Variants in WWP1 observed in about 807,000 individuals in gnomAD.
WWP1 encodes NEDD4-like E3 ubiquitin-protein ligase WWP1.
In WWP1, 49 loss-of-function variants were observed where a neutral mutation model predicts 130.6. The observed-to-expected ratio is 0.38, with a 90% CI of 0.30 to 0.48. WWP1 has a LOEUF of 0.48. WWP1 is among the 20% of genes least tolerant of loss of function. The pLI, the probability that WWP1 is intolerant of heterozygous loss-of-function variation, is 0.99. For synonymous variants in WWP1, 332 were observed against 367.8 expected, an observed-to-expected ratio of 0.90 and a Z score of 1.11; for missense variants, 809 against 1,100.6, an observed-to-expected ratio of 0.74 and a Z score of 3.75.
At chr8:86,388,100 G>A (rs1825392078) in intron 5 of WWP1, among the ~76,000 whole-genome samples, 2 of 150,460 alleles carry the variant, frequency 1.3e-5, no homozygotes, top group South Asian at 4.2e-4. Flanking sequence ...CTACTGTATT[G>A]GTCAGTGCAG....
intron 3 of WWP1, among the ~76,000 whole-genome samples, chr8:86,379,918 G>A (rs983028252): frequency 2.0e-5 from 3 of 152,130 alleles, no homozygotes; most frequent in Non-Finnish European, 4.4e-5. Context: ...ATTGTTGATA[G>A]GAATATAAAA....
intron 1 of WWP1, among the ~76,000 whole-genome samples, chr8:86,350,933 T>C (rs1284612951): frequency 6.6e-6 from 1 of 152,218 alleles, no homozygotes; most frequent in Non-Finnish European, 1.5e-5. Context: ...TAAAGTAGGA[T>C]ATTCTTTACC....
intron 9 of WWP1, 146 bp from the exon 10 acceptor site, chr8:86,425,077 T>A (rs1317100326): frequency 3.9e-6 from 2 of 518,272 alleles, no homozygotes; most frequent in Non-Finnish European, 6.7e-6. Context: ...TATATATATA[T>A]AATAGCCTTT....
chr8:86,450,025 T>C (rs1367769751), intron 20 of WWP1, among the ~76,000 whole-genome samples: 1 of 152,350 alleles, frequency 6.6e-6, no homozygotes, highest in East Asian at 1.9e-4. Flanking sequence ...GCTACTTGTT[T>C]TGTGGGCTAG....
intron 3 of WWP1, among the ~76,000 whole-genome samples, chr8:86,375,074 A>G (rs959541294): frequency 2.6e-5 from 4 of 152,148 alleles, no homozygotes; most frequent in African/African-American, 9.7e-5. Context: ...CTACTACACC[A>G]GTTCAAAATA....
chr8:86,370,578 C>T (rs1183736378), intron 2 of WWP1, among the ~76,000 whole-genome samples: 1 of 152,162 alleles, frequency 6.6e-6, no homozygotes, highest in Non-Finnish European at 1.5e-5. Context: ...CAGTACCCCA[C>T]ATTTCTGGAT....
At chr8:86,425,807 A>T (rs997915282) in intron 10 of WWP1, among the ~76,000 whole-genome samples, 5 of 152,220 alleles carry the variant, frequency 3.3e-5, no homozygotes, top group African/African-American at 1.2e-4. Context: ...TTTATTACAT[A>T]CTAAAATTCA....
At chr8:86,460,144 C>G (rs763885728) in intron 22 of WWP1, among the ~76,000 whole-genome samples, 26 of 152,152 alleles carry the variant, frequency 1.7e-4, no homozygotes, top group Non-Finnish European at 3.5e-4. Flanking sequence ...AATAACCAGT[C>G]AATGAAATAG....
At chr8:86,361,991 T>TATATACAC (rs1563465126) in intron 1 of WWP1, among the ~76,000 whole-genome samples, 2 of 128,184 alleles carry the variant, frequency 1.6e-5, no homozygotes, top group African/African-American at 2.7e-5. Context: ...TATATATATA[T>TATATACAC]ACATATATAT....
At chr8:86,392,612 A>T (rs1290421919) in intron 5 of WWP1, among the ~76,000 whole-genome samples, 1 of 152,210 alleles carries the variant, frequency 6.6e-6, no homozygotes, top group East Asian at 1.9e-4. Context: ...TACAGCAGAG[A>T]AATGTATCAT....
intron 20 of WWP1, among the ~76,000 whole-genome samples, chr8:86,451,061 A>G (rs1424192319): frequency 6.6e-6 from 1 of 151,316 alleles, no homozygotes; most frequent in East Asian, 1.9e-4. Flanking sequence ...AAATAAATAA[A>G]TAAATAAATA....
In WWP1 at chr8:86,417,503, A is replaced by T. The variant is rs1586403539; in HGVS notation, c.1061+5629A>T. Among the ~76,000 whole-genome samples the T allele has an allele frequency of 2.6e-5, 4 of 152,342 alleles. No individual in the cohort carries two copies. In the South Asian group the frequency reaches 8.3e-4, roughly 32 times the overall value. On this transcript the variant is annotated intron_variant, in intron 9 of 24. Transcript: ENST00000517970. Reference sequence around the variant, plus strand: ...CAAGAAATTTAGTTTGAGAAAGACAAATTCTATTTAGAACAAACACACTGA... The same window carrying T: ...CAAGAAATTTAGTTTGAGAAAGACATATTCTATTTAGAACAAACACACTGA...
In WWP1 at chr8:86,442,787, C is replaced by G. The variant is rs1200632331; in HGVS notation, c.1998+9C>G. 5 of 1,586,186 alleles carry G rather than the reference C, an allele frequency of 3.2e-6. No individual in the cohort carries two copies. Among genetic ancestry groups the G allele is most frequent in the Non-Finnish European group, 4.3e-6 (5 of 1,171,672 alleles). On this transcript the variant is annotated intron_variant, in intron 18 of 24. Coordinates refer to ENST00000517970, the MANE Select transcript of WWP1 (RefSeq NM_007013.4). ...GTCGTTTTATTGCCATGGTGAGTTCCTGACTTTATTATTATTTATTTAAGT... is the reference window on the plus strand; with the variant it reads ...GTCGTTTTATTGCCATGGTGAGTTCGTGACTTTATTATTATTTATTTAAGT...
chr8:86,385,419 C>T (rs1461465495), intron 5 of WWP1, among the ~76,000 whole-genome samples: 1 of 151,860 alleles, frequency 6.6e-6, no homozygotes, highest in East Asian at 1.9e-4. Flanking sequence ...CAGCGAAAGA[C>T]AATCTAGCTC....
Position 86,461,288 on chromosome 8 carries a change from G to A in WWP1, c.2564G>A (p.Arg855His), listed in dbSNP as rs761529616. ...TTGCAGTTCGTCACTGGAACCTGCC[G>A]TTTACCTCTAGGAGGATTTGCTGAG... ...RLLQFVTGTC[R>H]LPLGGFAELM... Residue 855 changes from arginine (R) to histidine (H), a missense_variant, in exon 23 of 25, where the codon CGT becomes CAT. Transcript: ENST00000517970. The A allele has an allele frequency of 3.7e-6, 6 of 1,614,062 alleles. No individual in the cohort carries two copies. Among genetic ancestry groups the A allele is most frequent in the Non-Finnish European group, 5.1e-6 (6 of 1,179,956 alleles).
chr8:86,361,978 AT>A (rs1443371506), intron 1 of WWP1, among the ~76,000 whole-genome samples: 2 of 105,212 alleles, frequency 1.9e-5, no homozygotes, highest in Admixed American at 9.0e-5. Context: ...GTGTGTGTAT[AT>A]ATATATATAT....
intron 20 of WWP1, among the ~76,000 whole-genome samples, chr8:86,448,978 AT>A (rs908060114): frequency 5.3e-4 from 80 of 152,070 alleles, no homozygotes; most frequent in African/African-American, 1.9e-3. Flanking sequence ...CTACAGGCTT[AT>A]ACTACCATTC....
chr8:86,392,720 A>T (rs1807424592), intron 5 of WWP1, among the ~76,000 whole-genome samples: 1 of 152,136 alleles, frequency 6.6e-6, no homozygotes, highest in East Asian at 1.9e-4. Flanking sequence ...TTATTTGTTT[A>T]GTTTACTAAG....
chr8:86,374,820 G>A (rs770245296), intron 3 of WWP1, among the ~76,000 whole-genome samples: 3 of 151,684 alleles, frequency 2.0e-5, no homozygotes, highest in African/African-American at 2.4e-5. Context: ...AGTGATCCTC[G>A]TGCTTCAGCC....
Sources: gnomAD v4.1 joint callset for allele counts (sites outside exome capture counted in the v4.1 genomes callset) on GRCh38, gnomAD v4.1.1 for gene constraint, MANE v1.5 for transcripts, NCBI Gene and HGNC (gene_info 2026-07-23, HGNC 2026-07-21) for gene names.